SPINK14: variants seen among roughly 807,000 people sequenced by gnomAD.
SPINK14 encodes the protein serine peptidase inhibitor Kazal type 14 (putative), also known as serine protease inhibitor Kazal-type 14.
SPINK14 carries 6 observed loss-of-function variants against 14.2 expected under a neutral mutation model. That is an observed-to-expected ratio of 0.42 (90% confidence interval 0.23 to 0.83). SPINK14 has a LOEUF of 0.83. Ranked by LOEUF, SPINK14 falls within the 40% of genes least tolerant of loss-of-function variation. SPINK14 has a pLI of 0.28. For missense variants in SPINK14, 86 were observed against 108.3 expected (o/e 0.79, Z 0.91); for synonymous variants, 34 against 36.8 (o/e 0.92, Z 0.27).
intron 2 of SPINK14, 21 bp from the exon 3 acceptor site, chr5:148,170,909 C>G: frequency 6.2e-7 from 1 of 1,605,092 alleles, no homozygotes; most frequent in South Asian, 1.1e-5. Flanking sequence ...AATTCTGTAA[C>G]TATTTTCATG....
intron 2 of SPINK14, among the ~76,000 whole-genome samples, chr5:148,170,104 T>C (rs1405784546): frequency 2.1e-5 from 3 of 145,614 alleles, no homozygotes; most frequent in South Asian, 4.3e-4. Context: ...CACACACATG[T>C]ATATATATAC....
chr5:148,169,931 A>T lies in SPINK14; in HGVS notation c.67+132A>T, dbSNP rs980906771. 26 of 383,904 alleles carry T rather than the reference A, an allele frequency of 6.8e-5. No homozygotes were observed. The South Asian group carries it at 1.6e-3, about 23-fold the overall frequency. The allele number at this position is 383,904 out of a possible 1,614,324, so 23.8% of individuals were successfully genotyped here. Reference sequence around the variant, plus strand: ...ATATATATATGTGTATATATATATAAATTATCCATTGACGTGTTGCAGAGT... The same window carrying T: ...ATATATATATGTGTATATATATATATATTATCCATTGACGTGTTGCAGAGT... On this transcript the variant is annotated intron_variant, in intron 2 of 4. Coordinates refer to ENST00000356972, the MANE Select transcript of SPINK14 (RefSeq NM_001001325.2).
chr5:148,174,948 G>A (rs954596413), intron 4 of SPINK14, among the ~76,000 whole-genome samples: 7 of 152,044 alleles, frequency 4.6e-5, no homozygotes, highest in Non-Finnish European at 1.0e-4. Context: ...GGAGCTCTTA[G>A]CCCAATCATT....
rs79779038 is a variant in SPINK14 at position 148,174,266 on chromosome 5, C to T, written c.144C>T (p.Ser48=). ...VKCPYEKVNL[S]WYNGTVNPCP... ...GTCCATATGAGAAAGTAAACTTGAGCTGGTACAATGGAACGGTCAACCCCT... is the reference window on the plus strand; with the variant it reads ...GTCCATATGAGAAAGTAAACTTGAGTTGGTACAATGGAACGGTCAACCCCT... The change falls in exon 4 of 5, where the codon AGC becomes AGT. Residue 48 remains serine (S), a synonymous_variant. Transcript: ENST00000356972. 0.014 allele frequency: 15,387 copies of T among 1,113,648 alleles called. 6,212 individuals are homozygous for T. In the African/African-American group the frequency reaches 0.3, roughly 22 times the overall value. 69.0% of individuals were successfully genotyped at this position (1,113,648 alleles called of 1,614,324 possible).
Position 148,169,711 on chromosome 5 carries a change from C to T in SPINK14, c.-22C>T, listed in dbSNP as rs1381256271. On this transcript the variant is annotated 5_prime_UTR_variant, in exon 2 of 5. Coordinates refer to ENST00000356972, the MANE Select transcript of SPINK14 (RefSeq NM_001001325.2). The stretch of plus-strand genomic sequence containing the variant: ...GAGACAATATTTCAGAGCATCATTC[C>T]AAGGACACACCAGGAGGAAAAATGG... The T allele has an allele frequency of 6.3e-7, 1 of 1,597,268 alleles. No homozygotes were observed. The highest frequency in any genetic ancestry group is 1.1e-5 in the South Asian group (1 of 90,174).
rs1755143685 is a variant in SPINK14, at chr5:148,174,530, G to T, written c.248+160G>T. ...CCACTCAGAAAAGCACATAGTAATT[G>T]AAAGTCCACTGGACTAGAAAGTAGA... is the stretch of plus-strand genomic sequence containing the variant. On this transcript the variant is annotated intron_variant, in intron 4 of 4. Transcript: ENST00000356972. 2.1e-5 allele frequency among the ~76,000 whole-genome samples: 2 copies of T among 97,486 alleles called. 1 individual carries two copies. The highest frequency in any genetic ancestry group is 4.4e-5 in the Non-Finnish European group (2 of 45,352). 64.0% of individuals were successfully genotyped at this position (97,486 alleles called of 152,430 possible). A position where few individuals can be genotyped will look rare whatever the true frequency, so the allele number is the denominator to read the frequency against.
intron 3 of SPINK14, among the ~76,000 whole-genome samples, chr5:148,173,855 A>ATT (rs748334872): frequency 4.4e-5 from 3 of 68,462 alleles, no homozygotes; most frequent in Admixed American, 2.8e-4. Context: ...CTATGCTTAG[A>ATT]TTTTTTTTTT....
chr5:148,175,141 TA>T (rs1755151259), intron 4 of SPINK14, among the ~76,000 whole-genome samples: 1 of 37,270 alleles, frequency 2.7e-5, no homozygotes, highest in African/African-American at 1.2e-4. Flanking sequence ...GCATGTCTCA[TA>T]ATATCTCCAG....
chr5:148,174,430 A>G lies in SPINK14; in HGVS notation c.248+60A>G. 2 of 938,922 alleles carry G rather than the reference A, an allele frequency of 2.1e-6. 1 individual carries two copies. Among genetic ancestry groups the G allele is most frequent in the South Asian group, 3.4e-5 (2 of 58,752 alleles). The allele number at this position is 938,922 out of a possible 1,614,324, so 58.2% of individuals were successfully genotyped here. ...AGTATGGTTATCCACAGCAATTACCATCTACCCTTCCTATCAAGTACATCA... is the reference window on the plus strand; with the variant it reads ...AGTATGGTTATCCACAGCAATTACCGTCTACCCTTCCTATCAAGTACATCA... On this transcript the variant is annotated intron_variant, in intron 4 of 4. Coordinates refer to ENST00000356972, the MANE Select transcript of SPINK14 (RefSeq NM_001001325.2).
chr5:148,169,603 A>C, intron 1 of SPINK14, 58 bp from the exon 2 acceptor site: 1 of 630,334 alleles, frequency 1.6e-6, no homozygotes, highest in South Asian at 2.1e-5. Context: ...CAATGGGTGG[A>C]GTAGAGATGG....
At position 148,169,740 on chromosome 5, in the gene SPINK14, A is replaced by C; in HGVS notation, c.8A>C (p.Lys3Thr). MA[K>T]SFPVFSLLSF... is the part of the protein sequence containing the mutation. ...GACACACCAGGAGGAAAAATGGCCAAATCTTTCCCAGTATTCTCACTTTTG... is the reference window on the plus strand; with the variant it reads ...GACACACCAGGAGGAAAAATGGCCACATCTTTCCCAGTATTCTCACTTTTG... Residue 3 changes from lysine to threonine, a missense_variant, in exon 2 of 5, where the codon AAA becomes ACA. Lys to Thr is a moderately conservative substitution (Grantham distance 78). Coordinates refer to ENST00000356972, the MANE Select transcript of SPINK14 (RefSeq NM_001001325.2). 1 of 1,605,958 alleles carries C rather than the reference A, an allele frequency of 6.2e-7. No individual in the cohort carries two copies. Among genetic ancestry groups the C allele is most frequent in the South Asian group, 1.1e-5 (1 of 90,246 alleles).
chr5:148,170,962 G>A lies in SPINK14; in HGVS notation c.100G>A (p.Gly34Arg). ...SGPRHWWPPR[G>R]IIKVKCPYEK... ...CCCTAGACACTGGTGGCCACCACGT[G>A]GAATTATTAAGGTAATGTTCCATTA... Residue 34 changes from glycine to arginine, a missense_variant, in exon 3 of 5, where the codon GGA becomes AGA. By Grantham distance (125) the Gly-to-Arg change is moderately radical. Coordinates refer to ENST00000356972, the MANE Select transcript of SPINK14 (RefSeq NM_001001325.2). 6.2e-7 allele frequency: 1 copy of A among 1,612,344 alleles called. No homozygotes were observed. The highest frequency in any genetic ancestry group is 8.5e-7 in the Non-Finnish European group (1 of 1,178,852).
chr5:148,172,765 G>A (rs991445973), intron 3 of SPINK14, among the ~76,000 whole-genome samples: 14 of 147,590 alleles, frequency 9.5e-5, no homozygotes, highest in South Asian at 6.5e-4. Flanking sequence ...ATGAGTTTAG[G>A]TTGAGAAAAA....
At chr5:148,173,171 C>T (rs555927533) in intron 3 of SPINK14, among the ~76,000 whole-genome samples, 85 of 148,900 alleles carry the variant, frequency 5.7e-4, no homozygotes, top group African/African-American at 1.8e-3. Flanking sequence ...AACATGACCC[C>T]CTTCTTTCCA....
intron 3 of SPINK14, 53 bp downstream of exon 3, chr5:148,171,026 T>C: frequency 6.5e-7 from 1 of 1,548,580 alleles, no homozygotes; most frequent in Non-Finnish European, 8.9e-7. Context: ...ATGAGTTCTT[T>C]TTTTTTGGAA....
intron 1 of SPINK14, among the ~76,000 whole-genome samples, chr5:148,169,065 T>G (rs1406155283): frequency 2.0e-5 from 3 of 152,116 alleles, no homozygotes; most frequent in Non-Finnish European, 4.4e-5. Flanking sequence ...GAGGGAGGAT[T>G]TGCTCTCTGA....
chr5:148,173,040 A>G (rs888605810), intron 3 of SPINK14, among the ~76,000 whole-genome samples: 7 of 152,086 alleles, frequency 4.6e-5, no homozygotes, highest in African/African-American at 1.4e-4. Context: ...AGAAGTTTAA[A>G]ATATGAAACT....
chr5:148,170,477 A>G (rs1755090604), intron 2 of SPINK14, among the ~76,000 whole-genome samples: 1 of 152,134 alleles, frequency 6.6e-6, no homozygotes, highest in Admixed American at 6.6e-5. Flanking sequence ...GGAGTCATAA[A>G]GAGGCCTAGC....
At chr5:148,168,765 T>G (rs6881658) in intron 1 of SPINK14, among the ~76,000 whole-genome samples, 198 bp downstream of exon 1, 89,819 of 151,900 alleles carry the variant, frequency 0.59, 27,380 homozygotes, top group African/African-American at 0.73. Context: ...AGGCAACCTT[T>G]CATAGTGTAC....
Sources: gnomAD v4.1 joint callset for allele counts (sites outside exome capture counted in the v4.1 genomes callset) on GRCh38, gnomAD v4.1.1 for gene constraint, MANE v1.5 for transcripts, NCBI Gene and HGNC (gene_info 2026-07-23, HGNC 2026-07-21) for gene names.